Variants in CHST8 observed in about 807,000 individuals in gnomAD.
CHST8 encodes carbohydrate sulfotransferase 8.
Under a neutral mutation model 15.0 loss-of-function variants are expected in CHST8, and 10 were observed. The observed-to-expected ratio is 0.67, with a 90% CI of 0.41 to 1.13. The LOEUF (loss-of-function observed/expected upper bound fraction) is 1.13. Among genes scored for constraint, CHST8 ranks in the 50% most tolerant of loss-of-function variants. The probability of loss-of-function intolerance (pLI) is 0.00; values close to 1 mark genes in which losing one functional copy is unlikely to be tolerated. For synonymous variants in CHST8, 259 were observed against 256.6 expected, an observed-to-expected ratio of 1.01 and a Z score of -0.09; for missense variants, 634 against 608.2, an observed-to-expected ratio of 1.04 and a Z score of -0.45.
intron 3 of CHST8, among the ~76,000 whole-genome samples, chr19:33,712,371 G>C (rs938660625): frequency 6.6e-6 from 1 of 152,180 alleles, no homozygotes; most frequent in Non-Finnish European, 1.5e-5. Context: ...TCGGAAACAG[G>C]GTGGACAAGC....
intron 2 of CHST8, among the ~76,000 whole-genome samples, chr19:33,672,126 A>G (rs769701371): frequency 2.0e-5 from 3 of 152,208 alleles, no homozygotes; most frequent in African/African-American, 4.8e-5. Flanking sequence ...AGGATCAAAA[A>G]GTAAAAGAGG....
chr19:33,673,433 CA>C (rs1972768794), intron 2 of CHST8, among the ~76,000 whole-genome samples: 1 of 152,174 alleles, frequency 6.6e-6, no homozygotes. Context: ...CTGGGTGGGG[CA>C]GGGGGAGTGG....
intron 3 of CHST8, among the ~76,000 whole-genome samples, chr19:33,723,735 G>C (rs1973843221): frequency 6.6e-6 from 1 of 152,228 alleles, no homozygotes; most frequent in South Asian, 2.1e-4. Context: ...TCAGAACTTA[G>C]CTTCTCCATT....
chr19:33,635,118 T>C (rs2145440248), intron 1 of CHST8, among the ~76,000 whole-genome samples: 2 of 152,286 alleles, frequency 1.3e-5, no homozygotes, highest in Non-Finnish European at 2.9e-5. Flanking sequence ...CAGCAATCCA[T>C]CCCTGCACCA....
chr19:33,758,774 C>T (rs1342089680), intron 3 of CHST8, among the ~76,000 whole-genome samples: 1 of 152,248 alleles, frequency 6.6e-6, no homozygotes, highest in Non-Finnish European at 1.5e-5. Flanking sequence ...AGCACTTTTC[C>T]TGTAAACAGG....
At chr19:33,757,551 A>G (rs889539617) in intron 3 of CHST8, among the ~76,000 whole-genome samples, 4 of 125,404 alleles carry the variant, frequency 3.2e-5, no homozygotes, top group South Asian at 2.7e-4. Context: ...AAAGAAAGAA[A>G]GAAAGAAAGA....
intron 1 of CHST8, among the ~76,000 whole-genome samples, chr19:33,664,200 G>A (rs1300872120): frequency 6.6e-6 from 1 of 152,116 alleles, no homozygotes; most frequent in African/African-American, 2.4e-5. Context: ...GTGTACTTGT[G>A]TAATTTAAAG....
At chr19:33,745,721 G>T (rs1974302089) in intron 3 of CHST8, among the ~76,000 whole-genome samples, 1 of 152,230 alleles carries the variant, frequency 6.6e-6, no homozygotes, top group Non-Finnish European at 1.5e-5. Context: ...TATTCCCACA[G>T]AATTGACCTG....
intron 3 of CHST8, among the ~76,000 whole-genome samples, chr19:33,697,495 G>A (rs549214634): frequency 6.6e-6 from 1 of 152,298 alleles, no homozygotes; most frequent in East Asian, 1.9e-4. Flanking sequence ...TGCTCCCAAA[G>A]TGCTGAGATT....
intron 1 of CHST8, among the ~76,000 whole-genome samples, chr19:33,654,135 A>G (rs1972481033): frequency 6.6e-6 from 1 of 152,164 alleles, no homozygotes; most frequent in Non-Finnish European, 1.5e-5. Flanking sequence ...AATCCTAGCA[A>G]TGAGTTTTTA....
chr19:33,772,983 C>A lies in CHST8; in HGVS notation c.1195C>A (p.Gln399Lys), dbSNP rs776569880. Reference protein sequence around the residue: ...HQYFAQLSALQRQRTYDFYYM... With the variant: ...HQYFAQLSALKRQRTYDFYYM... Reference sequence around the variant, plus strand: ...GTACTTCGCCCAACTCTCGGCCCTGCAAAGGCAGCGCACCTACGACTTCTA... The same window carrying A: ...GTACTTCGCCCAACTCTCGGCCCTGAAAAGGCAGCGCACCTACGACTTCTA... Residue 399 changes from glutamine to lysine, a missense_variant, in exon 5 of 5, where the codon CAA becomes AAA. Physicochemically the swap from Gln to Lys is moderately conservative, Grantham distance 53 (BLOSUM62 1). Transcript: ENST00000650847. 4 of 1,613,558 alleles carry A rather than the reference C, an allele frequency of 2.5e-6. No individual in the cohort carries two copies. Among genetic ancestry groups the A allele is most frequent in the South Asian group, 2.2e-5 (2 of 91,092 alleles).
rs57400790 is a variant in CHST8, at chr19:33,637,854, C to T, written c.-164+15558C>T. On this transcript the variant is annotated intron_variant, in intron 1 of 4. Coordinates refer to ENST00000650847, the MANE Select transcript of CHST8 (RefSeq NM_001127895.2). ...CTCCAGCCTGAGCAAGACCTTATCT[C>T]TTAAGAAAAAAAAAAAAAAAAAGAA... is the stretch of plus-strand genomic sequence containing the variant. Among the ~76,000 whole-genome samples the T allele has an allele frequency of 2.3e-3, 313 of 138,622 alleles. 2 individuals are homozygous for T. Among genetic ancestry groups the T allele is most frequent in the African/African-American group, 8.0e-3 (299 of 37,448 alleles). The allele number at this position is 138,622 out of a possible 152,430, so 90.9% of individuals were successfully genotyped here. A position where few individuals can be genotyped will look rare whatever the true frequency, so the allele number is the denominator to read the frequency against.
intron 3 of CHST8, among the ~76,000 whole-genome samples, chr19:33,757,470 G>A (rs1568358544): frequency 2.4e-5 from 1 of 41,748 alleles, no homozygotes; most frequent in Non-Finnish European, 4.9e-5. Context: ...AAGAAAGAAA[G>A]AAAGAAAGAA....
chr19:33,683,589 T>A (rs1183601165), intron 2 of CHST8, among the ~76,000 whole-genome samples: 1 of 152,064 alleles, frequency 6.6e-6, no homozygotes, highest in East Asian at 1.9e-4. Context: ...CCCTGAAACA[T>A]AGATGACCTT....
intron 3 of CHST8, among the ~76,000 whole-genome samples, chr19:33,765,363 G>T (rs749272594): frequency 6.6e-6 from 1 of 152,010 alleles, no homozygotes; most frequent in Admixed American, 6.6e-5. Context: ...AACTGTGAGA[G>T]AACACATTTT....
chr19:33,710,899 G>A (rs559027344), intron 3 of CHST8, among the ~76,000 whole-genome samples: 1 of 150,068 alleles, frequency 6.7e-6, no homozygotes, highest in African/African-American at 2.5e-5. Context: ...TAAGGGGTAG[G>A]GTCTCACTCT....
At chr19:33,713,724 C>G (rs1265555166) in intron 3 of CHST8, among the ~76,000 whole-genome samples, 2 of 152,120 alleles carry the variant, frequency 1.3e-5, no homozygotes, top group Non-Finnish European at 2.9e-5. Context: ...CCACGCCCGG[C>G]TAATTTTTGT....
In CHST8 at chr19:33,757,450, GAA is replaced by G. The variant is rs1568358420; in HGVS notation, c.131-13961_131-13960del. Among the ~76,000 whole-genome samples, 63 of 31,018 alleles carry G rather than the reference GAA, an allele frequency of 2.0e-3. 8 individuals are homozygous for G. The highest frequency in any genetic ancestry group is 3.4e-3 in the Non-Finnish European group (52 of 15,166). 20.3% of individuals were successfully genotyped at this position (31,018 alleles called of 152,430 possible). ...AGAAAGAAAGAAAGAAAGAAAGAAA[GAA>G]AGAAAGAAAGAAAGAAAGAAAGAAA... is the stretch of plus-strand genomic sequence containing the variant. On this transcript the variant is annotated intron_variant, in intron 3 of 4. Coordinates refer to ENST00000650847, the MANE Select transcript of CHST8 (RefSeq NM_001127895.2).
At chr19:33,690,298 G>A (rs1973076412) in intron 3 of CHST8, among the ~76,000 whole-genome samples, 1 of 152,188 alleles carries the variant, frequency 6.6e-6, no homozygotes, top group Non-Finnish European at 1.5e-5. Flanking sequence ...GCTCAGTGCT[G>A]TGATCCAGAG....
Sources: gnomAD v4.1 joint callset for allele counts (sites outside exome capture counted in the v4.1 genomes callset) on GRCh38, gnomAD v4.1.1 for gene constraint, MANE v1.5 for transcripts, NCBI Gene and HGNC (gene_info 2026-07-23, HGNC 2026-07-21) for gene names.